Variants in MTA3 observed in about 807,000 individuals in gnomAD.
The protein encoded by MTA3 is metastasis associated 1 family member 3.
In MTA3, 34 loss-of-function variants were observed where a neutral mutation model predicts 83.5. The observed-to-expected ratio is 0.41, with a 90% CI of 0.31 to 0.54. MTA3 has a LOEUF of 0.54. MTA3 is among the 20% of genes least tolerant of loss of function. MTA3 has a pLI of 0.33. For missense variants in MTA3, 761 were observed against 726.4 expected, an observed-to-expected ratio of 1.05 and a Z score of -0.55; for synonymous variants, 303 against 252.7, an observed-to-expected ratio of 1.20 and a Z score of -1.89.
upstream of MTA3, among the ~76,000 whole-genome samples, chr2:42,567,069 GTCAGAATTTGACACATGGC>G (rs528149546): frequency 5.3e-4 from 81 of 152,234 alleles, no homozygotes; most frequent in African/African-American, 1.8e-3. Flanking sequence ...TCTTCTTTGG[GTCAGAATTTGACACATGGC>G]TCAGAATTTG....
chr2:42,691,039 G>T (rs1692847512), intron 9 of MTA3, among the ~76,000 whole-genome samples: 1 of 151,976 alleles, frequency 6.6e-6, no homozygotes, highest in Non-Finnish European at 1.5e-5. Context: ...ACCATGCCCA[G>T]CTAATTTTCT....
intron 2 of MTA3, among the ~76,000 whole-genome samples, chr2:42,502,253 A>G (rs1674429168): frequency 6.6e-6 from 1 of 152,160 alleles, no homozygotes; most frequent in Non-Finnish European, 1.5e-5. Flanking sequence ...TCAGCAAAAA[A>G]GAACGTTGGC....
chr2:42,647,958 A>G (rs1688370017), intron 6 of MTA3, among the ~76,000 whole-genome samples: 1 of 152,016 alleles, frequency 6.6e-6, no homozygotes, highest in Non-Finnish European at 1.5e-5. Flanking sequence ...CTCCTGCATC[A>G]GCCTCCCAAG....
chr2:42,718,198 G>A (rs1380431999), intron 14 of MTA3, among the ~76,000 whole-genome samples: 1 of 151,074 alleles, frequency 6.6e-6, no homozygotes, highest in Non-Finnish European at 1.5e-5. Context: ...GATAATGGTG[G>A]TAATGTCCTT....
intron 12 of MTA3, 70 bp from the exon 13 acceptor site, chr2:42,707,833 T>G: frequency 7.2e-7 from 1 of 1,382,516 alleles, no homozygotes; most frequent in Non-Finnish European, 9.6e-7. Flanking sequence ...TTAAAATGTT[T>G]GATTATTTTG....
intron 16 of MTA3, among the ~76,000 whole-genome samples, chr2:42,728,742 C>T (rs572540116): frequency 6.6e-6 from 1 of 152,228 alleles, no homozygotes; most frequent in South Asian, 2.1e-4. Context: ...GCCTGTTTGC[C>T]ATTTGTATGT....
chr2:42,695,966 C>T, intron 10 of MTA3, 127 bp downstream of exon 10: 1 of 587,992 alleles, frequency 1.7e-6, no homozygotes, highest in Non-Finnish European at 3.0e-6. Context: ...CTACTTTAAA[C>T]TACATGATTT....
intron 4 of MTA3, among the ~76,000 whole-genome samples, chr2:42,609,935 C>G (rs1683982810): frequency 1.3e-5 from 2 of 152,068 alleles, no homozygotes; most frequent in South Asian, 4.1e-4. Flanking sequence ...CCCATCTCTA[C>G]TAAAAATACA....
chr2:42,594,725 TA>T (rs1226622892), intron 3 of MTA3, among the ~76,000 whole-genome samples: 1,077 of 41,066 alleles, frequency 0.026, 27 homozygotes, highest in African/African-American at 0.055. Context: ...TATATATATA[TA>T]TATTTTTTTT....
chr2:42,657,419 C>T (rs1205858814), intron 7 of MTA3, among the ~76,000 whole-genome samples: 1 of 152,014 alleles, frequency 6.6e-6, no homozygotes, highest in Non-Finnish European at 1.5e-5. Flanking sequence ...ATCTTGTGGC[C>T]CCTTGTTGAG....
upstream of MTA3, among the ~76,000 whole-genome samples, chr2:42,563,785 T>C (rs1262892629): frequency 7.8e-6 from 1 of 128,058 alleles, no homozygotes; most frequent in East Asian, 2.6e-4. Context: ...CATTCCTTCC[T>C]TCCTTCCTTC....
At chr2:42,567,816 T>C (rs1228135848), upstream of MTA3, among the ~76,000 whole-genome samples, 3 of 152,134 alleles carry the variant, frequency 2.0e-5, no homozygotes, top group African/African-American at 7.2e-5. Flanking sequence ...GTGGTGGTGA[T>C]TGTGAACTGT....
rs780961419 is a variant in MTA3 at position 42,659,902 on chromosome 2, T to C, written c.702+40T>C. 3 of 1,481,038 alleles carry C rather than the reference T, an allele frequency of 2.0e-6. No individual in the cohort carries two copies. In the Admixed American group the frequency reaches 6.2e-5, roughly 31 times the overall value. The allele number at this position is 1,481,038 out of a possible 1,614,324, so 91.7% of individuals were successfully genotyped here. ...GAAATTTTGTGGGTATTTATCCTTC[T>C]GTTACTTGTTTAATTTTAAAGCCAT... On this transcript the variant is annotated intron_variant, in intron 8 of 16. Coordinates refer to ENST00000405094, the MANE Select transcript of MTA3 (RefSeq NM_001330442.2).
At chr2:42,719,144 A>G (rs1295422146) in intron 15 of MTA3, 70 bp downstream of exon 15, 1 of 1,130,380 alleles carries the variant, frequency 8.8e-7, no homozygotes, top group African/African-American at 1.5e-5. Context: ...TGGCAATTCT[A>G]AATGGACATA....
At chr2:42,745,824 C>CTTTTTTTTTTTTTTTTTTTT (rs146921280) in intron 16 of MTA3, among the ~76,000 whole-genome samples, 1,241 of 118,720 alleles carry the variant, frequency 0.01, 152 homozygotes, top group South Asian at 0.035. Flanking sequence ...AAATAGTCCT[C>CTTTTTTTTTTTTTTTTTTTT]TTTTTTTTGA....
At chr2:42,686,431 A>T (rs1692371359) in intron 9 of MTA3, among the ~76,000 whole-genome samples, 1 of 152,070 alleles carries the variant, frequency 6.6e-6, no homozygotes. Flanking sequence ...TCACACCTGA[A>T]ATCTCAGCAC....
Position 42,695,748 on chromosome 2 carries a change from A to ATTTT in MTA3, c.892-7_892-4dup. On this transcript the variant is annotated splice_polypyrimidine_tract_variant and intron_variant, in intron 9 of 16. Coordinates refer to ENST00000405094, the MANE Select transcript of MTA3 (RefSeq NM_001330442.2). ...ATATGTTAACATAGATGATAGGTTGATTTTTTTTTTTTTCAGCTTCCTTGG... is the reference window on the plus strand; with the variant it reads ...ATATGTTAACATAGATGATAGGTTGATTTTTTTTTTTTTTTTTCAGCTTCCTTGG... 8.0e-7 allele frequency: 1 copy of ATTTT among 1,242,846 alleles called. No homozygotes were observed. The highest frequency in any genetic ancestry group is 1.5e-5 in the South Asian group (1 of 66,084). The allele number at this position is 1,242,846 out of a possible 1,614,324, so 77.0% of individuals were successfully genotyped here. A position where few individuals can be genotyped will look rare whatever the true frequency, so the allele number is the denominator to read the frequency against.
intron 16 of MTA3, among the ~76,000 whole-genome samples, chr2:42,734,874 C>T (rs552303752): frequency 1.1e-4 from 16 of 152,118 alleles, no homozygotes; most frequent in African/African-American, 2.4e-4. Context: ...CTTCATCCCC[C>T]GCTTTTTAAC....
intron 3 of MTA3, among the ~76,000 whole-genome samples, chr2:42,605,153 G>GTT (rs1249804826): frequency 6.7e-6 from 1 of 149,008 alleles, no homozygotes; most frequent in African/African-American, 2.5e-5. Flanking sequence ...CTTCCCAGTA[G>GTT]GGGCGGCCGG....
Sources: allele counts gnomAD v4.1 joint callset (sites outside exome capture counted in the v4.1 genomes callset), GRCh38; gene constraint gnomAD v4.1.1; transcripts MANE v1.5; gene names NCBI Gene and HGNC (gene_info 2026-07-23, HGNC 2026-07-21).